Variants in FOXK2 observed in about 807,000 individuals in gnomAD.
FOXK2 encodes the protein forkhead box protein K2.
In FOXK2, 24 loss-of-function variants were observed where a neutral mutation model predicts 53.3. The observed-to-expected ratio is 0.45, with a 90% CI of 0.33 to 0.63. FOXK2 has a LOEUF of 0.63. Ranked by LOEUF, FOXK2 falls within the 30% of genes least tolerant of loss-of-function variation. The pLI is 0.03. For synonymous variants in FOXK2, 505 were observed against 407.1 expected (o/e 1.24, Z -2.89); for missense variants, 952 against 910.5 (o/e 1.05, Z -0.59).
chr17:82,538,892 A>G (rs548555262), intron 1 of FOXK2, among the ~76,000 whole-genome samples: 1 of 152,304 alleles, frequency 6.6e-6, no homozygotes, highest in Non-Finnish European at 1.5e-5. Context: ...ATCTCCTTCC[A>G]AAACAGTTAG....
intron 4 of FOXK2, among the ~76,000 whole-genome samples, chr17:82,582,004 T>C (rs2045069041): frequency 6.6e-6 from 1 of 152,222 alleles, no homozygotes; most frequent in African/African-American, 2.4e-5. Context: ...GAAGATGGTG[T>C]CCATCCTGAT....
Position 82,574,058 on chromosome 17 carries a change from G to A in FOXK2, c.909+2188G>A, listed in dbSNP as rs539863117. ...CATGCCCTGCTTTCTGTCGTCTATT[G>A]CAGGTGCCTGCACAGCTCACGTCGG... On this transcript the variant is annotated intron_variant, in intron 4 of 8. Transcript: ENST00000335255. 8.5e-5 allele frequency among the ~76,000 whole-genome samples: 13 copies of A among 152,350 alleles called. No individual in the cohort carries two copies. The South Asian group carries it at 2.7e-3, about 32-fold the overall frequency.
chr17:82,597,421 C>A (rs2045325892), intron 8 of FOXK2, among the ~76,000 whole-genome samples: 1 of 152,166 alleles, frequency 6.6e-6, no homozygotes, highest in Admixed American at 6.5e-5. Context: ...GCTGCTCCCT[C>A]CCCAGCTCCG....
chr17:82,588,973 C>T (rs984642891), intron 8 of FOXK2, among the ~76,000 whole-genome samples: 2 of 150,900 alleles, frequency 1.3e-5, no homozygotes, highest in Non-Finnish European at 2.9e-5. Flanking sequence ...GCAGGAGAAT[C>T]GCTTGAACCC....
chr17:82,520,814 A>T (rs988827441), intron 1 of FOXK2, among the ~76,000 whole-genome samples: 14 of 151,684 alleles, frequency 9.2e-5, no homozygotes, highest in Middle Eastern at 6.8e-3. Context: ...AGCAGGAAGG[A>T]CTCCTTTTTC....
chr17:82,542,029 C>T (rs1399431576), intron 1 of FOXK2, among the ~76,000 whole-genome samples: 1 of 151,040 alleles, frequency 6.6e-6, no homozygotes, highest in African/African-American at 2.4e-5. Context: ...TACAGGCATG[C>T]ACCACCACGC....
intron 4 of FOXK2, among the ~76,000 whole-genome samples, chr17:82,573,621 C>T (rs1157379449): frequency 6.6e-6 from 1 of 150,962 alleles, no homozygotes; most frequent in South Asian, 2.1e-4. Context: ...AACTTCTACC[C>T]ATGTTCCAGT....
At chr17:82,556,029 A>T (rs2044721348) in intron 1 of FOXK2, among the ~76,000 whole-genome samples, 1 of 150,750 alleles carries the variant, frequency 6.6e-6, no homozygotes, top group Non-Finnish European at 1.5e-5. Context: ...GACGGCTTTT[A>T]TTTTTTTAAA....
chr17:82,578,634 T>C (rs2045019081), intron 4 of FOXK2: 1 of 152,230 alleles, frequency 6.6e-6, no homozygotes, highest in Admixed American at 6.5e-5. Flanking sequence ...TGGAGTCTTG[T>C]TGGCTGGCAA....
intron 6 of FOXK2, among the ~76,000 whole-genome samples, chr17:82,584,543 CAT>C (rs1242830430): frequency 9.2e-6 from 1 of 108,296 alleles, no homozygotes; most frequent in Non-Finnish European, 1.7e-5. Context: ...GAAGCAAAAA[CAT>C]GTCCTTTTTT....
At position 82,597,299 on chromosome 17, in the gene FOXK2, C is replaced by T. The variant is rs571399424; in HGVS notation, c.1787-4004C>T. ...GAGTCAGTGCCTTCCCAAGAGAGCA[C>T]GTGTGGGCCTCATCAGGAGCATGTG... On this transcript the variant is annotated intron_variant, in intron 8 of 8. Transcript: ENST00000335255. Among the ~76,000 whole-genome samples, 6 of 152,326 alleles carry T rather than the reference C, an allele frequency of 3.9e-5. No individual in the cohort carries two copies. The South Asian group carries it at 8.3e-4, about 21-fold the overall frequency.
chr17:82,553,083 G>A (rs2044692250), intron 1 of FOXK2, among the ~76,000 whole-genome samples: 1 of 152,040 alleles, frequency 6.6e-6, no homozygotes, highest in African/African-American at 2.4e-5. Context: ...TTACAGTCAC[G>A]CGCCACCACA....
intron 1 of FOXK2, among the ~76,000 whole-genome samples, chr17:82,547,771 C>G (rs1195607330): frequency 6.6e-6 from 1 of 152,174 alleles, no homozygotes; most frequent in Admixed American, 6.6e-5. Context: ...CCTCTTGCCC[C>G]TTGGCAGTCA....
chr17:82,579,800 C>T (rs2045035581), intron 4 of FOXK2, among the ~76,000 whole-genome samples: 1 of 91,824 alleles, frequency 1.1e-5, no homozygotes, highest in Non-Finnish European at 2.2e-5. Flanking sequence ...ATGGCCTAGC[C>T]CTCCTCTCCA....
At chr17:82,569,744 A>G (rs551268735) in intron 3 of FOXK2, among the ~76,000 whole-genome samples, 1 of 152,292 alleles carries the variant, frequency 6.6e-6, no homozygotes, top group East Asian at 1.9e-4. Context: ...TGTGGCATGC[A>G]CCTGTAGTCA....
At position 82,571,863 on chromosome 17, in the gene FOXK2, G is replaced by T; in HGVS notation, c.902G>T (p.Gly301Val). The T allele has an allele frequency of 6.4e-7, 1 of 1,559,214 alleles. No individual in the cohort carries two copies. The highest frequency in any genetic ancestry group is 8.6e-7 in the Non-Finnish European group (1 of 1,158,220). The part of the protein sequence containing the change: ...NYPYYRTADK[G>V]WQNSIRHNLS... Reference sequence around the variant, plus strand: ...CCCTACTACAGGACTGCGGACAAGGGCTGGCAGGTAAATGCCTTCAGTTTG... The same window carrying T: ...CCCTACTACAGGACTGCGGACAAGGTCTGGCAGGTAAATGCCTTCAGTTTG... The change falls in exon 4 of 9, where the codon GGC becomes GTC. Residue 301 changes from glycine to valine, a missense_variant. This residue lies in a region of FOXK2 where 160 missense variants were observed against 214.2 expected (regional missense o/e 0.75). Transcript: ENST00000335255.
chr17:82,547,268 G>A (rs1296084904), intron 1 of FOXK2, among the ~76,000 whole-genome samples: 1 of 152,164 alleles, frequency 6.6e-6, no homozygotes, highest in Non-Finnish European at 1.5e-5. Context: ...CCCCGGAAGT[G>A]ATCAAGGTGA....
At chr17:82,584,549 CTTTTTTTTTTTT>C (rs34083156) in intron 6 of FOXK2, among the ~76,000 whole-genome samples, 1 of 89,880 alleles carries the variant, frequency 1.1e-5, no homozygotes, top group Non-Finnish European at 2.1e-5. Flanking sequence ...AAAACATGTC[CTTTTTTTTTTTT>C]TTTTTTTTTT....
At chr17:82,521,380 G>A (rs1372335603) in intron 1 of FOXK2, among the ~76,000 whole-genome samples, 1 of 150,910 alleles carries the variant, frequency 6.6e-6, no homozygotes, top group East Asian at 2.0e-4. Flanking sequence ...CACCATCTTG[G>A]CCAGGCTGGT....
Sources: allele counts gnomAD v4.1 joint callset (sites outside exome capture counted in the v4.1 genomes callset), GRCh38; gene constraint gnomAD v4.1.1; regional missense constraint gnomAD v4.1.1; transcripts MANE v1.5; gene names NCBI Gene and HGNC (gene_info 2026-07-23, HGNC 2026-07-21).